ROBO2: variants seen among roughly 807,000 people sequenced by gnomAD.
ROBO2 encodes roundabout homolog 2.
Under a neutral mutation model 160.8 loss-of-function variants are expected in ROBO2, and 53 were observed. The ratio of observed to expected loss-of-function variants is 0.33; its 90% confidence interval spans 0.26 to 0.41. ROBO2 has a LOEUF of 0.41. ROBO2 is among the 10% of genes least tolerant of loss of function. ROBO2 has a pLI of 1.00. For synonymous variants in ROBO2, 664 were observed against 611.7 expected (o/e 1.09, Z -1.26); for missense variants, 1,577 against 1,722.4 (o/e 0.92, Z 1.49).
intron 6 of ROBO2, among the ~76,000 whole-genome samples, chr3:77,526,935 G>A (rs757830352): frequency 2.0e-5 from 3 of 151,510 alleles, no homozygotes; most frequent in African/African-American, 4.8e-5. Context: ...GAAAAGCAGC[G>A]TCAGGGGCTT....
chr3:76,991,557 C>G (rs980223473), intron 2 of ROBO2, among the ~76,000 whole-genome samples: 1 of 152,068 alleles, frequency 6.6e-6, no homozygotes, highest in Non-Finnish European at 1.5e-5. Context: ...TGTTGTTTTG[C>G]TTTTTATCAC....
rs9286680 is a variant in ROBO2, at chr3:77,474,657, TACACAC to T, written c.389-2728_389-2723del. Among the ~76,000 whole-genome samples, 516 of 128,560 alleles carry T rather than the reference TACACAC, an allele frequency of 4.0e-3. 3 individuals are homozygous for T. The highest frequency in any genetic ancestry group is 0.012 in the African/African-American group (447 of 35,904). 84.3% of individuals were successfully genotyped at this position (128,560 alleles called of 152,430 possible). ...TCTAGGGTAGAGGATTTAGGGGGAA[TACACAC>T]ACACACACACACACACACACACACA... On this transcript the variant is annotated intron_variant, in intron 2 of 25. Coordinates refer to ENST00000461745, the Ensembl canonical transcript of ROBO2.
At chr3:77,556,718 C>A (rs1625316) in intron 8 of ROBO2, among the ~76,000 whole-genome samples, 84,887 of 151,662 alleles carry the variant, frequency 0.56, 23,821 homozygotes, top group Middle Eastern at 0.68. Flanking sequence ...TTTTGAGAAA[C>A]AACAGTTTAT....
intron 2 of ROBO2, among the ~76,000 whole-genome samples, chr3:77,341,763 C>A (rs1369806387): frequency 6.6e-6 from 1 of 151,716 alleles, no homozygotes; most frequent in African/African-American, 2.4e-5. Context: ...TACAGTTGTG[C>A]TTTGTGGAAT....
chr3:77,558,643 A>G (rs2093215384), intron 9 of ROBO2, among the ~76,000 whole-genome samples: 2 of 152,048 alleles, frequency 1.3e-5, no homozygotes, highest in African/African-American at 4.8e-5. Flanking sequence ...GTTGTTGTGT[A>G]GTTTAGATTT....
At chr3:76,162,810 A>G (rs535701663) in intron 2 of ROBO2, among the ~76,000 whole-genome samples, 1 of 152,252 alleles carries the variant, frequency 6.6e-6, no homozygotes, top group African/African-American at 2.4e-5. Flanking sequence ...CTTATTAGAC[A>G]TCCCTATACT....
chr3:76,168,834 A>G (rs1022012072), intron 2 of ROBO2, among the ~76,000 whole-genome samples: 3 of 151,870 alleles, frequency 2.0e-5, no homozygotes, highest in Admixed American at 6.6e-5. Flanking sequence ...GAAGAATAAT[A>G]ACCTGCCTTA....
At chr3:77,194,970 T>C (rs1360264751) in intron 2 of ROBO2, among the ~76,000 whole-genome samples, 2 of 152,150 alleles carry the variant, frequency 1.3e-5, no homozygotes, top group Non-Finnish European at 2.9e-5. Context: ...AAGAATTTCA[T>C]AATATAGGGG....
chr3:76,150,349 A>ACATCTGTCTAAAACACACAT (rs2072128807), intron 2 of ROBO2, among the ~76,000 whole-genome samples: 1 of 78,216 alleles, frequency 1.3e-5, no homozygotes. Flanking sequence ...TCTAAAGCAC[A>ACATCTGTCTAAAACACACAT]CATCTGTCTA....
intron 2 of ROBO2, among the ~76,000 whole-genome samples, chr3:76,816,245 G>T (rs572078036): frequency 6.6e-6 from 1 of 151,798 alleles, no homozygotes; most frequent in Non-Finnish European, 1.5e-5. Flanking sequence ...TGGATCGGAC[G>T]TTTTATTATC....
intron 2 of ROBO2, among the ~76,000 whole-genome samples, chr3:77,002,369 AT>A (rs1461950098): frequency 6.6e-6 from 1 of 151,886 alleles, no homozygotes; most frequent in Non-Finnish European, 1.5e-5. Flanking sequence ...GACTCTGGCT[AT>A]ATTTAAGGGT....
rs767282187 is a variant in ROBO2, at chr3:77,098,340, T to C, written c.388T>C (p.Leu130=). The change falls in exon 2 of 26, where the codon TTG becomes CTG. Residue 130 remains leucine (L), a splice_region_variant and synonymous_variant. Transcript: ENST00000461745. Reference sequence around the variant, plus strand: ...TCGAAATGCGTCTCTGGAAGTGGCATGTAAGTGAACATAATGAACCTCATG... The same window carrying C: ...TCGAAATGCGTCTCTGGAAGTGGCACGTAAGTGAACATAATGAACCTCATG... The C allele has an allele frequency of 1.9e-6, 3 of 1,614,150 alleles. No homozygotes were observed. In the South Asian group the frequency reaches 3.3e-5, roughly 18 times the overall value.
At chr3:76,812,263 T>C (rs548327934) in intron 2 of ROBO2, among the ~76,000 whole-genome samples, 1 of 151,294 alleles carries the variant, frequency 6.6e-6, no homozygotes, top group East Asian at 2.0e-4. Flanking sequence ...TTTGCAGCAT[T>C]ATTTCTTATA....
At chr3:76,375,090 G>A (rs1377609035) in intron 2 of ROBO2, among the ~76,000 whole-genome samples, 2 of 151,736 alleles carry the variant, frequency 1.3e-5, no homozygotes, top group African/African-American at 4.8e-5. Context: ...TAAACATTAA[G>A]CATTGTGAGG....
intron 2 of ROBO2, among the ~76,000 whole-genome samples, chr3:76,119,562 T>C (rs2070631798): frequency 6.6e-6 from 1 of 151,976 alleles, no homozygotes. Context: ...AAGCTTAGGG[T>C]TAACTTTCTT....
chr3:76,070,205 C>T (rs988786227), intron 2 of ROBO2, among the ~76,000 whole-genome samples: 1 of 152,312 alleles, frequency 6.6e-6, no homozygotes, highest in African/African-American at 2.4e-5. Context: ...GCTGGTGAGC[C>T]GGGCGGAACA....
chr3:76,580,342 G>GTTTTTTTTTTGTTTTTTTTTTTTT (rs2085604163), intron 2 of ROBO2, among the ~76,000 whole-genome samples: 1 of 90,560 alleles, frequency 1.1e-5, no homozygotes, highest in South Asian at 3.9e-4. Flanking sequence ...TTTTTTTTGT[G>GTTTTTTTTTTGTTTTTTTTTTTTT]TTTTTTTTTT....
At chr3:77,647,765 C>G (rs1384061024) in exon 26 of ROBO2, 1 of 152,038 alleles carries the variant, frequency 6.6e-6, no homozygotes, top group African/African-American at 2.4e-5. Flanking sequence ...GTTGTTGGTA[C>G]TCTTCTAAAA....
chr3:77,489,000 G>A (rs571876875), intron 4 of ROBO2, among the ~76,000 whole-genome samples: 6 of 152,178 alleles, frequency 3.9e-5, no homozygotes, highest in South Asian at 4.2e-4. Context: ...CAAAGCAGAA[G>A]GTCAGTTTAG....
Sources: allele counts gnomAD v4.1 joint callset (sites outside exome capture counted in the v4.1 genomes callset), GRCh38; gene constraint gnomAD v4.1.1; transcripts MANE v1.5; gene names NCBI Gene and HGNC (gene_info 2026-07-23, HGNC 2026-07-21).